Variants in TMEM178A observed in about 807,000 individuals in gnomAD.
TMEM178A encodes the protein transmembrane protein 178.
In TMEM178A, 12 loss-of-function variants were observed where a neutral mutation model predicts 29.1. The observed-to-expected ratio is 0.41, with a 90% CI of 0.26 to 0.67. The LOEUF (loss-of-function observed/expected upper bound fraction) is 0.67. Ranked by LOEUF, TMEM178A falls within the 30% of genes least tolerant of loss-of-function variation. The probability of loss-of-function intolerance (pLI) is 0.29; values close to 1 mark genes in which losing one functional copy is unlikely to be tolerated. For synonymous variants in TMEM178A, 210 were observed against 187.2 expected (o/e 1.12, Z -0.99); for missense variants, 366 against 419.1 (o/e 0.87, Z 1.11).
chr2:39,684,306 T>C (rs1670984012), intron 1 of TMEM178A, among the ~76,000 whole-genome samples: 2 of 152,168 alleles, frequency 1.3e-5, no homozygotes, highest in African/African-American at 4.8e-5. Context: ...TGAACTTTCA[T>C]ATATACATGC....
chr2:39,677,136 G>T (rs1399395731), intron 1 of TMEM178A, among the ~76,000 whole-genome samples: 1 of 152,098 alleles, frequency 6.6e-6, no homozygotes, highest in Non-Finnish European at 1.5e-5. Context: ...CCTATGTACA[G>T]CCTTTGTCCT....
intron 1 of TMEM178A, among the ~76,000 whole-genome samples, chr2:39,699,170 C>T (rs1231902043): frequency 6.6e-6 from 1 of 151,020 alleles, no homozygotes; most frequent in East Asian, 2.0e-4. Flanking sequence ...GGATTACAGA[C>T]ATGTGCCACC....
At chr2:39,712,972 C>T (rs779083206) in intron 3 of TMEM178A, among the ~76,000 whole-genome samples, 1 of 152,200 alleles carries the variant, frequency 6.6e-6, no homozygotes, top group Admixed American at 6.5e-5. Flanking sequence ...GATGAACCGA[C>T]TCTTAAGTTG....
upstream of TMEM178A, chr2:39,665,728 G>C (rs1213659018): frequency 2.3e-5 from 8 of 355,360 alleles, no homozygotes; most frequent in Non-Finnish European, 9.8e-6. Flanking sequence ...GCAAGAAAGC[G>C]AGAGCGGCGC....
chr2:39,731,791 C>T, the TMEM178A span, among the ~76,000 whole-genome samples: 3 of 152,130 alleles, frequency 2.0e-5, no homozygotes, highest in Non-Finnish European at 2.9e-5. Flanking sequence ...CACATCTTGG[C>T]GAGAAGTCCT....
rs117504201 is a variant in TMEM178A, at chr2:39,683,083, G to A, written c.400+16709G>A. ...TCTATTGATCTTCAGGACTACTTGC[G>A]GTAGATTAAGAAAATTTAAATTGGT... On this transcript the variant is annotated intron_variant, in intron 1 of 3. Coordinates refer to ENST00000281961, the MANE Select transcript of TMEM178A (RefSeq NM_152390.3). 2.3e-3 allele frequency among the ~76,000 whole-genome samples: 347 copies of A among 152,228 alleles called. 9 individuals are homozygous for A. In the East Asian group the frequency reaches 0.059, roughly 26 times the overall value.
chr2:39,707,786 T>TA (rs1558462403), intron 3 of TMEM178A, among the ~76,000 whole-genome samples: 43 of 152,342 alleles, frequency 2.8e-4, no homozygotes, highest in African/African-American at 1.0e-3. Context: ...TCTTTCATAC[T>TA]GTGCCCCAAA....
At chr2:39,728,627 A>G in the TMEM178A span, among the ~76,000 whole-genome samples, 1 of 152,204 alleles carries the variant, frequency 6.6e-6, no homozygotes, top group Non-Finnish European at 1.5e-5. Flanking sequence ...AGAGACTAAA[A>G]TCATGATTTA....
At chr2:39,732,043 A>T in the TMEM178A span, among the ~76,000 whole-genome samples, 2 of 152,030 alleles carry the variant, frequency 1.3e-5, no homozygotes, top group African/African-American at 4.8e-5. Context: ...ACCTTATTTC[A>T]TGTTCCTGAC....
intron 1 of TMEM178A, among the ~76,000 whole-genome samples, chr2:39,702,446 G>A (rs1256080665): frequency 6.6e-6 from 1 of 152,090 alleles, no homozygotes; most frequent in East Asian, 1.9e-4. Context: ...AGAGCCTCAG[G>A]GTCAGTCTGA....
Position 39,666,097 on chromosome 2 carries a change from G to C in TMEM178A, c.123G>C (p.Glu41Asp), listed in dbSNP as rs1241523815. ...WYETDPRRHK[E>D]SCERSRAGAD... ...AGACCGACCCCCGGCGCCACAAGGA[G>C]AGCTGCGAGCGCAGCCGCGCGGGCG... is the stretch of plus-strand genomic sequence containing the variant. The change falls in exon 1 of 4, where the codon GAG (glutamate) becomes GAC (aspartate). Residue 41 changes from glutamate (E) to aspartate (D), a missense_variant. By Grantham distance (45) the Glu-to-Asp change is conservative (BLOSUM62 2). Transcript: ENST00000281961. The C allele has an allele frequency of 2.6e-6, 4 of 1,565,854 alleles. No homozygotes were observed. In the African/African-American group the frequency reaches 5.7e-5, roughly 22 times the overall value.
downstream of TMEM178A, among the ~76,000 whole-genome samples, chr2:39,722,292 T>C (rs907130250): frequency 6.6e-6 from 1 of 152,190 alleles, no homozygotes; most frequent in Admixed American, 6.6e-5. Flanking sequence ...AGGGAACTGC[T>C]TCTTGTATCA....
intron 3 of TMEM178A, among the ~76,000 whole-genome samples, chr2:39,707,906 A>T (rs1424046576): frequency 6.6e-6 from 1 of 152,232 alleles, no homozygotes; most frequent in East Asian, 1.9e-4. Flanking sequence ...AATTCAAAGC[A>T]TGCTTTAGTG....
intron 1 of TMEM178A, among the ~76,000 whole-genome samples, chr2:39,673,711 C>T (rs1369185848): frequency 6.6e-6 from 1 of 152,178 alleles, no homozygotes; most frequent in Non-Finnish European, 1.5e-5. Flanking sequence ...TACTAACTTG[C>T]ACTCTTAAGG....
At chr2:39,719,398 C>G (rs1278749801), downstream of TMEM178A, among the ~76,000 whole-genome samples, 1 of 152,138 alleles carries the variant, frequency 6.6e-6, no homozygotes, top group Non-Finnish European at 1.5e-5. Context: ...GTTCACACAC[C>G]AGAAAGATTT....
intron 1 of TMEM178A, among the ~76,000 whole-genome samples, chr2:39,676,150 T>C (rs1440451229): frequency 6.6e-6 from 1 of 152,218 alleles, no homozygotes; most frequent in Non-Finnish European, 1.5e-5. Context: ...TTAAAATATG[T>C]AGTTGATAAA....
At chr2:39,673,196 G>C (rs750954312) in intron 1 of TMEM178A, among the ~76,000 whole-genome samples, 1 of 152,142 alleles carries the variant, frequency 6.6e-6, no homozygotes. Flanking sequence ...CGCCTTGGCC[G>C]TCGTCATGAA....
chr2:39,728,934 GA>G, the TMEM178A span, among the ~76,000 whole-genome samples: 1 of 152,142 alleles, frequency 6.6e-6, no homozygotes, highest in Non-Finnish European at 1.5e-5. Context: ...TATGGTAACA[GA>G]AAAAATGCAA....
rs545765596 is a variant in TMEM178A, at chr2:39,713,637, C to T, written c.653-3373C>T. Among the ~76,000 whole-genome samples, 6 of 152,298 alleles carry T rather than the reference C, an allele frequency of 3.9e-5. No homozygotes were observed. In the East Asian group the frequency reaches 7.7e-4, roughly 20 times the overall value. ...AGTCCTCAGTTTAAAAAGCCAACCC[C>T]GCTGACACCTTGATCTTAGACTGTA... On this transcript the variant is annotated intron_variant, in intron 3 of 3. Transcript: ENST00000281961.
Sources: gnomAD v4.1 joint callset for allele counts (sites outside exome capture counted in the v4.1 genomes callset) on GRCh38, gnomAD v4.1.1 for gene constraint, MANE v1.5 for transcripts, NCBI Gene and HGNC (gene_info 2026-07-23, HGNC 2026-07-21) for gene names.